Variants in TYRP1 observed in about 807,000 individuals in gnomAD.
TYRP1 encodes the protein 5,6-dihydroxyindole-2-carboxylic acid oxidase.
In TYRP1, 49 loss-of-function variants were observed where a neutral mutation model predicts 42.8. The observed-to-expected ratio is 1.14, with a 90% CI of 0.91 to 1.45. The LOEUF (loss-of-function observed/expected upper bound fraction) is 1.45, where lower values mean the gene tolerates loss of function less well. TYRP1 is among the 40% of genes most tolerant of loss of function. The probability of loss-of-function intolerance (pLI) is 0.00; values close to 1 mark genes in which losing one functional copy is unlikely to be tolerated. For synonymous variants in TYRP1, 279 were observed against 235.4 expected (o/e 1.19, Z -1.69); for missense variants, 848 against 662.0 (o/e 1.28, Z -3.08).
chr9:12,708,350 C>CCTAT (rs369909061), intron 7 of TYRP1, among the ~76,000 whole-genome samples: 39 of 151,942 alleles, frequency 2.6e-4, no homozygotes, highest in South Asian at 1.2e-3. Flanking sequence ...TGTACAGCAC[C>CCTAT]CTATCTCATT....
chr9:12,703,445 A>G (rs1818206160), intron 5 of TYRP1, among the ~76,000 whole-genome samples: 1 of 151,968 alleles, frequency 6.6e-6, no homozygotes, highest in Non-Finnish European at 1.5e-5. Context: ...TATTTTGGCT[A>G]ATCTGTAAAC....
chr9:12,701,561 C>T (rs1044820385), intron 4 of TYRP1: 1 of 151,818 alleles, frequency 6.6e-6, no homozygotes, highest in Non-Finnish European at 1.5e-5. Flanking sequence ...TTTCTTAATC[C>T]TATGGGGCTT....
At chr9:12,707,908 C>T in intron 6 of TYRP1, 89 bp from the exon 7 acceptor site, 2 of 1,332,364 alleles carry the variant, frequency 1.5e-6, no homozygotes, top group Non-Finnish European at 2.1e-6. Flanking sequence ...TCAGGTTCTC[C>T]TTGAATATTG....
chr9:12,702,135 G>A (rs1290741382), intron 4 of TYRP1, 136 bp from the exon 5 acceptor site: 4 of 823,524 alleles, frequency 4.9e-6, no homozygotes, highest in South Asian at 1.8e-5. Flanking sequence ...ATGCTACCAA[G>A]TATGCATTTT....
chr9:12,708,926 G>C, intron 7 of TYRP1, 51 bp from the exon 8 acceptor site: 1 of 1,497,790 alleles, frequency 6.7e-7, no homozygotes, highest in Non-Finnish European at 9.2e-7. Context: ...ACTTTTTGGT[G>C]ATAACTATTT....
Position 12,708,229 on chromosome 9 carries a change from A to C in TYRP1, c.1408+86A>C, listed in dbSNP as rs576128577. 9.9e-6 allele frequency: 15 copies of C among 1,511,374 alleles called. 1 individual carries two copies. The Admixed American group carries it at 2.1e-4, about 21-fold the overall frequency. 93.6% of individuals were successfully genotyped at this position (1,511,374 alleles called of 1,614,324 possible). A position where few individuals can be genotyped will look rare whatever the true frequency, so the allele number is the denominator to read the frequency against. On this transcript the variant is annotated intron_variant, in intron 7 of 7. Transcript: ENST00000388918. ...AAGTAGAGTAATCACGGTATTCTGA[A>C]GCTATGTTTTCCATTTGGACTTGGA...
In TYRP1 at chr9:12,694,400, G is replaced by T. The variant is rs767631296; in HGVS notation, c.385+19G>T. The T allele has an allele frequency of 1.2e-6, 2 of 1,612,730 alleles. No individual in the cohort carries two copies. The highest frequency in any genetic ancestry group is 3.3e-5 in the Admixed American group (2 of 59,948). On this transcript the variant is annotated intron_variant, in intron 2 of 7. Coordinates refer to ENST00000388918, the MANE Select transcript of TYRP1 (RefSeq NM_000550.3). ...CTCATAGGTAAGTGGAGATATGAAT[G>T]AGTTCATAAGTCCTGCATGAGACTC... is the stretch of plus-strand genomic sequence containing the variant.
chr9:12,703,899 GTGTGTGTGTGTA>G (rs1818215850), intron 5 of TYRP1, among the ~76,000 whole-genome samples: 1 of 150,744 alleles, frequency 6.6e-6, no homozygotes, highest in Non-Finnish European at 1.5e-5. Context: ...GTGTGTGTGT[GTGTGTGTGTGTA>G]TATATGTGTG....
At position 12,694,347 on chromosome 9, in the gene TYRP1, G is replaced by A. The variant is rs780433845; in HGVS notation, c.351G>A (p.Trp117Ter). 1.4e-5 allele frequency: 22 copies of A among 1,613,968 alleles called. No individual in the cohort carries two copies. In the Admixed American group the frequency reaches 3.0e-4, roughly 22 times the overall value. ...GHNCGTCRPGWRGAACDQRVL... is the reference protein window; with the variant it reads ...GHNCGTCRPG ...ACTGTGGGACGTGCCGTCCTGGCTG[G>A]AGAGGAGCTGCCTGTGACCAGAGGG... The change falls in exon 2 of 8, where the codon TGG becomes TGA. Residue 117 changes from tryptophan to a stop codon, truncating the protein, a stop_gained. Coordinates refer to ENST00000388918, the MANE Select transcript of TYRP1 (RefSeq NM_000550.3). LOFTEE classifies it high-confidence loss of function.
At chr9:12,708,652 G>C (rs547406584) in intron 7 of TYRP1, among the ~76,000 whole-genome samples, 1 of 151,930 alleles carries the variant, frequency 6.6e-6, no homozygotes, top group Non-Finnish European at 1.5e-5. Context: ...GGGCATAGTG[G>C]AAAAGTACAA....
intron 5 of TYRP1, 30 bp downstream of exon 5, chr9:12,702,468 G>T (rs1002065780): frequency 6.2e-7 from 1 of 1,605,928 alleles, no homozygotes; most frequent in Non-Finnish European, 8.5e-7. Context: ...ATTTTTAAAA[G>T]ATCTAGTTAT....
At chr9:12,705,645 G>A (rs955898792) in intron 6 of TYRP1, among the ~76,000 whole-genome samples, 1 of 151,980 alleles carries the variant, frequency 6.6e-6, no homozygotes, top group African/African-American at 2.4e-5. Flanking sequence ...CCAAGAGTTT[G>A]AGACCAGCCT....
intron 7 of TYRP1, among the ~76,000 whole-genome samples, chr9:12,708,602 A>AAAG (rs1370387313): frequency 6.6e-6 from 1 of 151,976 alleles, no homozygotes; most frequent in Non-Finnish European, 1.5e-5. Flanking sequence ...TTGAAGTTCA[A>AAAG]AAGTTTTTTG....
At chr9:12,706,201 T>C (rs896022058) in intron 6 of TYRP1, among the ~76,000 whole-genome samples, 1 of 152,014 alleles carries the variant, frequency 6.6e-6, no homozygotes, top group Non-Finnish European at 1.5e-5. Context: ...CATGCACTTC[T>C]GGGAACTACA....
rs1818035674 is a variant in TYRP1 at position 12,694,037 on chromosome 9, T to A, written c.41T>A (p.Phe14Tyr). 6.2e-7 allele frequency: 1 copy of A among 1,614,062 alleles called. No homozygotes were observed. The highest frequency in any genetic ancestry group is 8.5e-7 in the Non-Finnish European group (1 of 1,180,004). Reference protein sequence around the residue: ...PKLLSLGCIFFPLLLFQQARA... With the variant: ...PKLLSLGCIFYPLLLFQQARA... ...CTCCTCTCTCTGGGCTGTATCTTCT[T>A]CCCCTTGCTACTTTTTCAGCAGGCC... Residue 14 changes from phenylalanine to tyrosine, a missense_variant, in exon 2 of 8, where the codon TTC becomes TAC. Transcript: ENST00000388918.
chr9:12,708,572 T>G (rs1818299603), intron 7 of TYRP1, among the ~76,000 whole-genome samples: 1 of 151,988 alleles, frequency 6.6e-6, no homozygotes, highest in Admixed American at 6.6e-5. Context: ...TGAGATACTC[T>G]TAGGTATTTT....
Position 12,704,509 on chromosome 9 carries a change from C to G in TYRP1, c.1082-17C>G. 1 of 1,608,764 alleles carries G rather than the reference C, an allele frequency of 6.2e-7. No individual in the cohort carries two copies. Among genetic ancestry groups the G allele is most frequent in the Non-Finnish European group, 8.5e-7 (1 of 1,178,330 alleles). On this transcript the variant is annotated splice_polypyrimidine_tract_variant and intron_variant, in intron 5 of 7. Coordinates refer to ENST00000388918, the MANE Select transcript of TYRP1 (RefSeq NM_000550.3). The stretch of plus-strand genomic sequence containing the variant: ...TTTGCAATAGTTTTACTATTCTCCT[C>G]CTTACCATGTGTCTAGGTTACAGTG...
At chr9:12,708,353 A>G (rs1471352438) in intron 7 of TYRP1, among the ~76,000 whole-genome samples, 2 of 151,970 alleles carry the variant, frequency 1.3e-5, no homozygotes, top group Admixed American at 6.6e-5. Context: ...ACAGCACCCT[A>G]TCTCATTTAA....
chr9:12,700,238 C>G (rs1200781905), intron 4 of TYRP1: 2 of 152,012 alleles, frequency 1.3e-5, no homozygotes, highest in Admixed American at 1.3e-4. Flanking sequence ...TTGTCCATTT[C>G]TGTAGTTCCA....
Sources: allele counts gnomAD v4.1 joint callset (sites outside exome capture counted in the v4.1 genomes callset), GRCh38; gene constraint gnomAD v4.1.1; transcripts MANE v1.5; gene names NCBI Gene and HGNC (gene_info 2026-07-23, HGNC 2026-07-21).